Variants in HLF observed in about 807,000 individuals in gnomAD.
HLF encodes hepatic leukemia factor.
HLF carries 3 observed loss-of-function variants against 22.6 expected under a neutral mutation model. The observed-to-expected ratio is 0.13, with a 90% confidence interval of 0.06 to 0.34. HLF has a LOEUF of 0.34. Among genes scored for constraint, HLF ranks in the 10% least tolerant of loss-of-function variants. The pLI is 1.00. For missense variants in HLF, 299 were observed against 389.2 expected (o/e 0.77, Z 1.95); for synonymous variants, 151 against 151.8 (o/e 0.99, Z 0.04).
intron 2 of HLF, among the ~76,000 whole-genome samples, chr17:55,307,854 CAG>C (rs1292302628): frequency 6.1e-5 from 9 of 146,676 alleles, no homozygotes; most frequent in South Asian, 4.3e-4. Flanking sequence ...AAACATCAAA[CAG>C]AGTTGTTTGA....
At chr17:55,300,289 G>A (rs1286761419) in intron 2 of HLF, among the ~76,000 whole-genome samples, 2 of 152,146 alleles carry the variant, frequency 1.3e-5, no homozygotes, top group Non-Finnish European at 2.9e-5. Flanking sequence ...TACCTTTCTG[G>A]CTTTTCCTAA....
rs536639657 is a variant in HLF, at chr17:55,322,650, C to T, written c.*1771C>T. ...TAGGCCTCAGAAAGAAGTCAGTTAA[C>T]GTCACCCAAAAGCACAAAATGGATT... On this transcript the variant is annotated 3_prime_UTR_variant, in exon 4 of 4. Coordinates refer to ENST00000226067, the MANE Select transcript of HLF (RefSeq NM_002126.5). 4.6e-5 allele frequency: 10 copies of T among 215,942 alleles called. No individual in the cohort carries two copies. In the South Asian group the frequency reaches 1.7e-3, roughly 36 times the overall value. The allele number at this position is 215,942 out of a possible 1,614,324, so 13.4% of individuals were successfully genotyped here.
intron 3 of HLF, among the ~76,000 whole-genome samples, chr17:55,315,746 A>G (rs1410002922): frequency 6.6e-6 from 1 of 152,234 alleles, no homozygotes; most frequent in Non-Finnish European, 1.5e-5. Context: ...ACAAAAGTCT[A>G]ATAAAATTAA....
chr17:55,273,283 C>A (rs149451363), intron 2 of HLF, among the ~76,000 whole-genome samples: 2 of 152,200 alleles, frequency 1.3e-5, no homozygotes, highest in East Asian at 3.9e-4. Flanking sequence ...GGGGTTTTGG[C>A]AGGGTTAAAT....
chr17:55,305,218 A>G (rs1904488676), intron 2 of HLF, among the ~76,000 whole-genome samples: 2 of 152,200 alleles, frequency 1.3e-5, no homozygotes, highest in African/African-American at 4.8e-5. Flanking sequence ...TAAAAATACT[A>G]GTGCATGAGA....
At chr17:55,308,717 C>A (rs779038587) in intron 2 of HLF, among the ~76,000 whole-genome samples, 1 of 152,206 alleles carries the variant, frequency 6.6e-6, no homozygotes, top group African/African-American at 2.4e-5. Context: ...ACACTCTCCC[C>A]CTATGCAATA....
In HLF at chr17:55,323,871, CAATG is replaced by C; in HGVS notation, c.*2996_*2999del. On this transcript the variant is annotated 3_prime_UTR_variant, in exon 4 of 4. Transcript: ENST00000226067. ...CAGAGATTAATTATTTGGCCATTAA[CAATG>C]AATCCAAATCATATCATACTGACAT... 4.4e-6 allele frequency: 1 copy of C among 229,010 alleles called. No homozygotes were observed. Among genetic ancestry groups the C allele is most frequent in the Non-Finnish European group, 8.7e-6 (1 of 115,374 alleles). 14.2% of individuals were successfully genotyped at this position (229,010 alleles called of 1,614,324 possible).
Position 55,265,059 on chromosome 17 carries a change from G to GGGGGT in HLF, c.-417_-413dup. 1 of 178,500 alleles carries GGGGGT rather than the reference G, an allele frequency of 5.6e-6. No homozygotes were observed. The allele number at this position is 178,500 out of a possible 1,614,324, so 11.1% of individuals were successfully genotyped here. A position where few individuals can be genotyped will look rare whatever the true frequency, so the allele number is the denominator to read the frequency against. On this transcript the variant is annotated 5_prime_UTR_variant, in exon 1 of 4. Transcript: ENST00000226067. ...GAGCAGCGGCCGCCGGCGCGGGGAG[G>GGGGGT]GGGGTGGGGTGGGACGGCGCACCGC...
In HLF at chr17:55,267,866, C is replaced by T. The variant is rs202162317; in HGVS notation, c.231C>T (p.Asp77=). ...PTLWDKTLPY[D]GDTFQLEYMD... is the part of the protein sequence containing the mutation. The stretch of plus-strand genomic sequence containing the variant: ...TATGGGACAAAACCCTTCCCTATGA[C>T]GGAGATACTTTCCAGTTGGAATACA... The change falls in exon 2 of 4, where the codon GAC becomes GAT. Residue 77 remains aspartate, a synonymous_variant. Transcript: ENST00000226067. The T allele has an allele frequency of 8.1e-6, 13 of 1,613,978 alleles. No homozygotes were observed. Among genetic ancestry groups the T allele is most frequent in the Middle Eastern group, 1.6e-4 (1 of 6,084 alleles).
At chr17:55,300,605 C>G (rs2081148505) in intron 2 of HLF, among the ~76,000 whole-genome samples, 1 of 152,206 alleles carries the variant, frequency 6.6e-6, no homozygotes, top group Non-Finnish European at 1.5e-5. Flanking sequence ...ACCTCCTTTG[C>G]AGGTGTCCAG....
At chr17:55,296,335 TAA>T (rs1253556392) in intron 2 of HLF, among the ~76,000 whole-genome samples, 1 of 152,214 alleles carries the variant, frequency 6.6e-6, no homozygotes, top group East Asian at 1.9e-4. Context: ...ACGATTGTTG[TAA>T]AATAGGACTG....
intron 2 of HLF, among the ~76,000 whole-genome samples, chr17:55,294,370 G>C (rs1379401325): frequency 1.3e-5 from 2 of 152,220 alleles, no homozygotes; most frequent in African/African-American, 4.8e-5. Context: ...GGCATCAGCT[G>C]TGCGTGTGGC....
intron 2 of HLF, among the ~76,000 whole-genome samples, chr17:55,313,934 A>G (rs1346482412): frequency 1.3e-5 from 2 of 152,164 alleles, no homozygotes; most frequent in Non-Finnish European, 2.9e-5. Flanking sequence ...ACGGTTTCAC[A>G]GTTTTGCTAG....
intron 3 of HLF, among the ~76,000 whole-genome samples, chr17:55,317,687 C>A (rs952671399): frequency 6.6e-6 from 1 of 152,184 alleles, no homozygotes; most frequent in African/African-American, 2.4e-5. Flanking sequence ...GCAGAAAGGT[C>A]TGAGCTAAGG....
intron 2 of HLF, chr17:55,273,016 C>T (rs1167909662): frequency 1.3e-5 from 2 of 152,214 alleles, no homozygotes; most frequent in Non-Finnish European, 2.9e-5. Context: ...TTATCTTCTC[C>T]ACGGATCCCT....
chr17:55,287,071 A>T (rs1223885678), intron 2 of HLF, among the ~76,000 whole-genome samples: 1 of 152,220 alleles, frequency 6.6e-6, no homozygotes, highest in Non-Finnish European at 1.5e-5. Context: ...GCATTAGCTC[A>T]ATCAGGGGGG....
At chr17:55,312,826 T>C (rs1904893724) in intron 2 of HLF, among the ~76,000 whole-genome samples, 1 of 152,224 alleles carries the variant, frequency 6.6e-6, no homozygotes, top group Non-Finnish European at 1.5e-5. Flanking sequence ...TGCATTCTTA[T>C]ATTGACAATT....
intron 1 of HLF, 166 bp downstream of exon 1, chr17:55,265,765 C>T: frequency 8.0e-7 from 1 of 1,247,478 alleles, no homozygotes; most frequent in Non-Finnish European, 1.0e-6. Context: ...CACCCTTCCT[C>T]CCCTTCCTCC....
At chr17:55,300,941 C>T (rs372498678) in intron 2 of HLF, among the ~76,000 whole-genome samples, 1 of 152,372 alleles carries the variant, frequency 6.6e-6, no homozygotes, top group South Asian at 2.1e-4. Flanking sequence ...TCTTACCCGC[C>T]GTGAGCTCCA....
Sources: gnomAD v4.1 joint callset for allele counts (sites outside exome capture counted in the v4.1 genomes callset) on GRCh38, gnomAD v4.1.1 for gene constraint, MANE v1.5 for transcripts, NCBI Gene and HGNC (gene_info 2026-07-23, HGNC 2026-07-21) for gene names.